The following FOXP1 variants were observed in gnomAD, a reference collection of about 807,000 sequenced individuals.
FOXP1 encodes the protein forkhead box P1, also known as forkhead box protein P1.
In FOXP1, 15 loss-of-function variants were observed where a neutral mutation model predicts 98.2. That is an observed-to-expected ratio of 0.15 (90% CI 0.10 to 0.24). The LOEUF (loss-of-function observed/expected upper bound fraction) is 0.24, where lower values mean the gene tolerates loss of function less well. Ranked by LOEUF, FOXP1 falls within the 10% of genes least tolerant of loss-of-function variation. FOXP1 has a pLI of 1.00. For missense variants in FOXP1, 633 were observed against 848.5 expected, an observed-to-expected ratio of 0.75 and a Z score of 3.15; for synonymous variants, 371 against 314.5, an observed-to-expected ratio of 1.18 and a Z score of -1.90.
rs543923150 is a variant in FOXP1, at chr3:71,581,006, A to G, written c.-298+543T>C. The G allele has an allele frequency of 7.2e-5, 71 of 984,538 alleles. 1 individual carries two copies. In the African/African-American group the frequency reaches 1.1e-3, roughly 16 times the overall value. The allele number at this position is 984,538 out of a possible 1,614,324, so 61.0% of individuals were successfully genotyped here. ...GACTGCATAAGGTCAAATGCAACCA[A>G]ATGAAATGTTTATATTAATTTCATT... On this transcript the variant is annotated intron_variant, in intron 2 of 20. Coordinates refer to ENST00000649528, the MANE Select transcript of FOXP1 (RefSeq NM_001349338.3).
At chr3:71,360,607 T>C (rs755272005) in intron 3 of FOXP1, 1 of 151,982 alleles carries the variant, frequency 6.6e-6, no homozygotes, top group Non-Finnish European at 1.5e-5. Context: ...TCTGCATAGA[T>C]CCTTGAGATA....
In FOXP1 at chr3:71,491,537, C is replaced by T. The variant is rs535768181; in HGVS notation, c.-168+1889G>A. 2.1e-4 allele frequency among the ~76,000 whole-genome samples: 32 copies of T among 152,292 alleles called. No homozygotes were observed. The South Asian group carries it at 6.0e-3, about 29-fold the overall frequency. On this transcript the variant is annotated intron_variant, in intron 3 of 20. Coordinates refer to ENST00000649528, the MANE Select transcript of FOXP1 (RefSeq NM_001349338.3). ...TCTTTTCATTGTGGACATCCTTGCC[C>T]GTGTGTTACTGTTTACTATTTGCCT... is the stretch of plus-strand genomic sequence containing the variant.
At chr3:71,042,399 G>A (rs778206030) in intron 10 of FOXP1, among the ~76,000 whole-genome samples, 5 of 151,992 alleles carry the variant, frequency 3.3e-5, no homozygotes, top group South Asian at 2.1e-4. Flanking sequence ...GGGCCTCTTC[G>A]TCTTTATCCT....
intron 11 of FOXP1, among the ~76,000 whole-genome samples, chr3:71,019,374 AT>A (rs1487479108): frequency 1.3e-5 from 2 of 152,160 alleles, no homozygotes; most frequent in East Asian, 3.8e-4. Flanking sequence ...AAATAGATAC[AT>A]TTTCTTTTTA....
chr3:71,527,316 G>C (rs758477682), intron 2 of FOXP1, among the ~76,000 whole-genome samples: 1 of 152,222 alleles, frequency 6.6e-6, no homozygotes, highest in African/African-American at 2.4e-5. Flanking sequence ...TCAACAGCAA[G>C]ATCAAGGAGT....
chr3:71,169,522 T>C (rs1051005529), intron 6 of FOXP1, among the ~76,000 whole-genome samples: 4 of 152,206 alleles, frequency 2.6e-5, no homozygotes, highest in Non-Finnish European at 5.9e-5. Context: ...ATGCAGAGCA[T>C]GTTCTCAGTT....
rs948570502 is a variant in FOXP1, at chr3:70,957,790, G to A, written c.*1457C>T. ...GTGATATAATATTGCATAACAAACT[G>A]CAGTACCAAATTTGCATATTTGAAA... On this transcript the variant is annotated 3_prime_UTR_variant, in exon 21 of 21. Coordinates refer to ENST00000649528, the MANE Select transcript of FOXP1 (RefSeq NM_001349338.3). 4.3e-6 allele frequency: 1 copy of A among 233,830 alleles called. No individual in the cohort carries two copies. Among genetic ancestry groups the A allele is most frequent in the African/African-American group, 2.2e-5 (1 of 45,330 alleles). The allele number at this position is 233,830 out of a possible 1,614,324, so 14.5% of individuals were successfully genotyped here.
rs1479658656 is a variant in FOXP1, at chr3:71,399,577, A to C, written c.-167-40333T>G. Among the ~76,000 whole-genome samples the C allele has an allele frequency of 3.3e-5, 5 of 152,328 alleles. No individual in the cohort carries two copies. The East Asian group carries it at 9.6e-4, about 29-fold the overall frequency. ...CAGAACATAGTTCCAACATTCACCCAGACGGAAGCACTACTGACAACCAGG... is the reference window on the plus strand; with the variant it reads ...CAGAACATAGTTCCAACATTCACCCCGACGGAAGCACTACTGACAACCAGG... On this transcript the variant is annotated intron_variant, in intron 3 of 20. Coordinates refer to ENST00000649528, the MANE Select transcript of FOXP1 (RefSeq NM_001349338.3).
intron 13 of FOXP1, among the ~76,000 whole-genome samples, chr3:70,992,994 A>T (rs998472807): frequency 3.3e-5 from 5 of 152,158 alleles, no homozygotes; most frequent in Admixed American, 6.5e-5. Context: ...AACTGTCCTG[A>T]GTATTGCCTC....
chr3:71,325,581 C>G (rs1452331507), intron 4 of FOXP1, among the ~76,000 whole-genome samples: 1 of 152,018 alleles, frequency 6.6e-6, no homozygotes, highest in African/African-American at 2.4e-5. Flanking sequence ...CAAGTTTGAC[C>G]AACAATACCA....
intron 3 of FOXP1, among the ~76,000 whole-genome samples, chr3:71,394,459 G>T (rs945502187): frequency 6.6e-6 from 1 of 152,156 alleles, no homozygotes; most frequent in African/African-American, 2.4e-5. Context: ...AGGGAAAAAG[G>T]TAACTATACC....
chr3:71,087,901 G>A (rs760357186), intron 7 of FOXP1, among the ~76,000 whole-genome samples: 3 of 152,170 alleles, frequency 2.0e-5, no homozygotes, highest in African/African-American at 7.2e-5. Flanking sequence ...CTGTTTGCAT[G>A]TATAAGTTTT....
intron 6 of FOXP1, among the ~76,000 whole-genome samples, chr3:71,143,631 C>A (rs141926412): frequency 2.0e-5 from 3 of 152,290 alleles, no homozygotes; most frequent in African/African-American, 7.2e-5. Context: ...CAGTGGCTCA[C>A]ATATGTAATT....
intron 13 of FOXP1, among the ~76,000 whole-genome samples, chr3:70,995,925 CT>C (rs2041296803): frequency 6.6e-6 from 1 of 152,144 alleles, no homozygotes; most frequent in African/African-American, 2.4e-5. Flanking sequence ...TGTACCTTGC[CT>C]TTTGTAATTG....
chr3:71,014,550 T>G (rs1234346502), intron 12 of FOXP1, among the ~76,000 whole-genome samples: 2 of 152,166 alleles, frequency 1.3e-5, no homozygotes, highest in Non-Finnish European at 2.9e-5. Context: ...GGTGGGAGTG[T>G]AAACTAGTAC....
At chr3:71,040,773 C>T (rs2048235835) in intron 11 of FOXP1, among the ~76,000 whole-genome samples, 1 of 152,140 alleles carries the variant, frequency 6.6e-6, no homozygotes, top group Non-Finnish European at 1.5e-5. Flanking sequence ...CCCCCACCTC[C>T]ACCAGCCACC....
At chr3:70,992,935 G>C (rs1243840344) in intron 13 of FOXP1, among the ~76,000 whole-genome samples, 1 of 152,142 alleles carries the variant, frequency 6.6e-6, no homozygotes, top group African/African-American at 2.4e-5. Context: ...GACGTGCTCA[G>C]GGCTTGTGCA....
chr3:71,512,375 G>C (rs983258709), intron 2 of FOXP1, among the ~76,000 whole-genome samples: 1 of 152,140 alleles, frequency 6.6e-6, no homozygotes, highest in African/African-American at 2.4e-5. Context: ...TAAAAAGCCA[G>C]AGCCATATCC....
chr3:71,172,232 C>T (rs984351311), intron 6 of FOXP1, among the ~76,000 whole-genome samples: 1 of 152,016 alleles, frequency 6.6e-6, no homozygotes, highest in African/African-American at 2.4e-5. Context: ...TGATACATTA[C>T]ACTAAAGGAA....
Sources: allele counts gnomAD v4.1 joint callset (sites outside exome capture counted in the v4.1 genomes callset), GRCh38; gene constraint gnomAD v4.1.1; transcripts MANE v1.5; gene names NCBI Gene and HGNC (gene_info 2026-07-23, HGNC 2026-07-21).